The following RNU7-1 variants were observed in gnomAD, a reference collection of about 807,000 sequenced individuals.
RNU7-1 encodes the protein RNA, small nuclear U7.
At chr12:6,943,845 A>T (rs781842057) in exon 1 of RNU7-1, 2 of 894,010 alleles carry the variant, frequency 2.2e-6, no homozygotes, top group Non-Finnish European at 3.2e-6. Flanking sequence ...GAATTTGTCT[A>T]GTAGGCTTTC....
chr12:6,943,872 A>C, exon 1 of RNU7-1: 1 of 957,624 alleles, frequency 1.0e-6, no homozygotes, highest in African/African-American at 1.7e-5. Context: ...TTTACCGGAA[A>C]GCCCCTCTTA....
rs2041615142 is a variant in RNU7-1 at position 6,943,855 on chromosome 12, CT to C, written n.41del. The C allele has an allele frequency of 3.2e-6, 3 of 933,036 alleles. No individual in the cohort carries two copies. In the South Asian group the frequency reaches 5.3e-5, roughly 16 times the overall value. The allele number at this position is 933,036 out of a possible 1,614,324, so 57.8% of individuals were successfully genotyped here. A position where few individuals can be genotyped will look rare whatever the true frequency, so the allele number is the denominator to read the frequency against. On this transcript the variant is annotated non_coding_transcript_exon_variant, in exon 1 of 1. Transcript: ENST00000458811. ...TTTTAGAATTTGTCTAGTAGGCTTT[CT>C]GGCTTTTTACCGGAAAGCCCCTCTT...
chr12:6,943,847 T>G (rs782092659), exon 1 of RNU7-1: 49 of 901,016 alleles, frequency 5.4e-5, no homozygotes, highest in Non-Finnish European at 6.8e-5. Flanking sequence ...ATTTGTCTAG[T>G]AGGCTTTCTG....
exon 1 of RNU7-1, chr12:6,943,832 T>C (rs782418811): frequency 6.9e-6 from 6 of 871,780 alleles, no homozygotes; most frequent in Non-Finnish European, 9.7e-6. Context: ...TACAGCTCTT[T>C]TAGAATTTGT....
exon 1 of RNU7-1, chr12:6,943,828 T>G: frequency 1.2e-6 from 1 of 862,980 alleles, no homozygotes; most frequent in Non-Finnish European, 1.6e-6. Context: ...GTGTTACAGC[T>G]CTTTTAGAAT....
rs781962342 is a variant in RNU7-1 at position 6,943,858 on chromosome 12, G to C, written n.43G>C. On this transcript the variant is annotated non_coding_transcript_exon_variant, in exon 1 of 1. Transcript: ENST00000458811. ...TAGAATTTGTCTAGTAGGCTTTCTG[G>C]CTTTTTACCGGAAAGCCCCTCTTAT... 5.3e-5 allele frequency: 50 copies of C among 940,458 alleles called. No individual in the cohort carries two copies. Among genetic ancestry groups the C allele is most frequent in the Non-Finnish European group, 6.9e-5 (46 of 667,554 alleles). 58.3% of individuals were successfully genotyped at this position (940,458 alleles called of 1,614,324 possible).
exon 1 of RNU7-1, chr12:6,943,831 T>G (rs1343068289): frequency 6.9e-6 from 6 of 866,944 alleles, no homozygotes; most frequent in Non-Finnish European, 9.8e-6. Context: ...TTACAGCTCT[T>G]TTAGAATTTG....
exon 1 of RNU7-1, chr12:6,943,868 G>C (rs76417910): frequency 4.2e-5 from 40 of 941,774 alleles, no homozygotes; most frequent in Non-Finnish European, 4.9e-5. Context: ...GCTTTTTACC[G>C]GAAAGCCCCT....
rs782162928 is a variant in RNU7-1, at chr12:6,943,817, A to C, written n.2A>C. On this transcript the variant is annotated non_coding_transcript_exon_variant, in exon 1 of 1. Coordinates refer to ENST00000458811, the Ensembl canonical transcript of RNU7-1. The stretch of plus-strand genomic sequence containing the variant: ...TCTTCTCTCCAAACACATACGCAGC[A>C]GTGTTACAGCTCTTTTAGAATTTGT... The C allele has an allele frequency of 7.2e-5, 60 of 839,078 alleles. No homozygotes were observed. The East Asian group carries it at 9.3e-4, about 13-fold the overall frequency. 52.0% of individuals were successfully genotyped at this position (839,078 alleles called of 1,614,324 possible).
Position 6,943,869 on chromosome 12 carries a change from G to GT in RNU7-1, n.54_55insT, listed in dbSNP as rs1174136528. 3.5e-4 allele frequency: 336 copies of GT among 953,470 alleles called. 5 individuals carry two copies. The highest frequency in any genetic ancestry group is 2.0e-3 in the South Asian group (116 of 57,516). The allele number at this position is 953,470 out of a possible 1,614,324, so 59.1% of individuals were successfully genotyped here. The stretch of plus-strand genomic sequence containing the variant: ...TAGTAGGCTTTCTGGCTTTTTACCG[G>GT]AAAGCCCCTCTTATGATGTTTGTTG... On this transcript the variant is annotated non_coding_transcript_exon_variant, in exon 1 of 1. Transcript: ENST00000458811.
chr12:6,943,833 T>C (rs782678781), exon 1 of RNU7-1: 93 of 876,846 alleles, frequency 1.1e-4, no homozygotes, highest in Non-Finnish European at 1.3e-4. Flanking sequence ...ACAGCTCTTT[T>C]AGAATTTGTC....
exon 1 of RNU7-1, chr12:6,943,822 T>G (rs782352036): frequency 9.3e-6 from 8 of 859,846 alleles, no homozygotes; most frequent in African/African-American, 3.5e-5. Context: ...GCAGCAGTGT[T>G]ACAGCTCTTT....
At chr12:6,943,877 C>A (rs148496170) in exon 1 of RNU7-1, 18 of 994,916 alleles carry the variant, frequency 1.8e-5, no homozygotes, top group Middle Eastern at 6.6e-4. Flanking sequence ...CGGAAAGCCC[C>A]TCTTATGATG....
At position 6,943,827 on chromosome 12, in the gene RNU7-1, C is replaced by T. The variant is rs782652720; in HGVS notation, n.12C>T. 2.9e-4 allele frequency: 254 copies of T among 863,248 alleles called. No individual in the cohort carries two copies. The highest frequency in any genetic ancestry group is 3.9e-4 in the Middle Eastern group (1 of 2,586). 53.5% of individuals were successfully genotyped at this position (863,248 alleles called of 1,614,324 possible). ...AAACACATACGCAGCAGTGTTACAG[C>T]TCTTTTAGAATTTGTCTAGTAGGCT... On this transcript the variant is annotated non_coding_transcript_exon_variant, in exon 1 of 1. Transcript: ENST00000458811.
At chr12:6,943,824 C>A in exon 1 of RNU7-1, 2 of 857,462 alleles carry the variant, frequency 2.3e-6, no homozygotes, top group Non-Finnish European at 3.3e-6. Context: ...AGCAGTGTTA[C>A]AGCTCTTTTA....
At chr12:6,943,876 C>G (rs780348551) in exon 1 of RNU7-1, 38 of 982,274 alleles carry the variant, frequency 3.9e-5, no homozygotes, top group Non-Finnish European at 5.0e-5. Flanking sequence ...CCGGAAAGCC[C>G]CTCTTATGAT....
At chr12:6,943,857 G>A (rs782253023) in exon 1 of RNU7-1, 46 of 937,922 alleles carry the variant, frequency 4.9e-5, no homozygotes, top group Admixed American at 2.5e-4. Flanking sequence ...TAGGCTTTCT[G>A]GCTTTTTACC....
At chr12:6,943,878 T>A (rs998478110) in exon 1 of RNU7-1, 11 of 996,654 alleles carry the variant, frequency 1.1e-5, no homozygotes, top group South Asian at 8.5e-5. Flanking sequence ...GGAAAGCCCC[T>A]CTTATGATGT....
chr12:6,943,840 T>C (rs1239368206), exon 1 of RNU7-1: 3 of 879,680 alleles, frequency 3.4e-6, no homozygotes, highest in South Asian at 1.8e-5. Flanking sequence ...TTTTAGAATT[T>C]GTCTAGTAGG....
Sources: allele counts gnomAD v4.1 joint callset, GRCh38; gene constraint gnomAD v4.1.1; transcripts MANE v1.5; gene names NCBI Gene and HGNC (gene_info 2026-07-23, HGNC 2026-07-21).